The following AP4E1 variants were observed in gnomAD, a reference collection of about 807,000 sequenced individuals.
The protein encoded by AP4E1 is AP-4 complex subunit epsilon-1.
AP4E1 carries 56 observed loss-of-function variants against 128.2 expected under a neutral mutation model. The ratio of observed to expected loss-of-function variants is 0.44; its 90% confidence interval spans 0.35 to 0.55. The LOEUF (loss-of-function observed/expected upper bound fraction) is 0.55, where lower values mean the gene tolerates loss of function less well. Among genes scored for constraint, AP4E1 ranks in the 20% least tolerant of loss-of-function variants. The pLI, the probability that AP4E1 is intolerant of heterozygous loss-of-function variation, is 0.00. For synonymous variants in AP4E1, 484 were observed against 473.1 expected, an observed-to-expected ratio of 1.02 and a Z score of -0.30; for missense variants, 1,324 against 1,307.7, an observed-to-expected ratio of 1.01 and a Z score of -0.19.
chr15:50,994,134 G>C (rs1314556982), intron 17 of AP4E1, among the ~76,000 whole-genome samples: 1 of 151,962 alleles, frequency 6.6e-6, no homozygotes, highest in Non-Finnish European at 1.5e-5. Context: ...AGAGTATAAA[G>C]TTTTATTTAT....
chr15:50,931,843 G>GT (rs1469356230), intron 7 of AP4E1, among the ~76,000 whole-genome samples: 1 of 152,114 alleles, frequency 6.6e-6, no homozygotes, highest in African/African-American at 2.4e-5. Context: ...GCGGGCTATA[G>GT]TTTGCCAACC....
chr15:50,933,807 C>G (rs1211283396), intron 7 of AP4E1, among the ~76,000 whole-genome samples: 15 of 151,852 alleles, frequency 9.9e-5, no homozygotes, highest in Non-Finnish European at 2.2e-4. Flanking sequence ...TTATATAGTC[C>G]CAAATTATTT....
At chr15:50,987,783 G>A (rs920394316) in intron 16 of AP4E1, among the ~76,000 whole-genome samples, 5 of 152,132 alleles carry the variant, frequency 3.3e-5, no homozygotes, top group Non-Finnish European at 7.4e-5. Flanking sequence ...TTAATATAAT[G>A]GTTTAGAAAG....
At chr15:50,950,220 C>A (rs1261948821) in intron 13 of AP4E1, 51 bp downstream of exon 13, 23 of 1,250,342 alleles carry the variant, frequency 1.8e-5, no homozygotes, top group Non-Finnish European at 2.3e-5. Context: ...TTAATACAAA[C>A]CAAATGTTAA....
chr15:50,926,232 G>C (rs1390132600), intron 5 of AP4E1, among the ~76,000 whole-genome samples: 1 of 151,840 alleles, frequency 6.6e-6, no homozygotes, highest in Non-Finnish European at 1.5e-5. Context: ...CCACCTCCCA[G>C]GTTTAAGCAG....
chr15:50,927,697 G>A (rs535018199), intron 5 of AP4E1, among the ~76,000 whole-genome samples: 32 of 150,576 alleles, frequency 2.1e-4, no homozygotes, highest in African/African-American at 6.8e-4. Context: ...AGAGTTTTCC[G>A]TTATGGCATA....
chr15:50,989,828 A>G (rs1004028795), intron 16 of AP4E1, among the ~76,000 whole-genome samples: 1 of 152,182 alleles, frequency 6.6e-6, no homozygotes. Flanking sequence ...CTAAGGAATT[A>G]TATAATATAT....
At chr15:50,953,655 A>G (rs2064180735) in intron 13 of AP4E1, among the ~76,000 whole-genome samples, 1 of 152,212 alleles carries the variant, frequency 6.6e-6, no homozygotes, top group South Asian at 2.1e-4. Context: ...TTACTTAATC[A>G]TGGCCCCACA....
At chr15:50,952,788 A>T (rs2064169532) in intron 13 of AP4E1, among the ~76,000 whole-genome samples, 1 of 151,952 alleles carries the variant, frequency 6.6e-6, no homozygotes, top group African/African-American at 2.4e-5. Context: ...TACATTCTGG[A>T]TATCTAATTA....
At position 50,930,864 on chromosome 15, in the gene AP4E1, A is replaced by G. The variant is rs200194388; in HGVS notation, c.762A>G (p.Val254=). Residue 254 remains valine, a synonymous_variant, in exon 7 of 21, where the codon GTA becomes GTG. Coordinates refer to ENST00000261842, the MANE Select transcript of AP4E1 (RefSeq NM_007347.5). ...TGSFVTILKQ[V]VGGKLPVEFN... is the part of the protein sequence containing the mutation. ...GTTTTGTAACCATTTTGAAGCAAGT[A>G]GTTGGAGGAAAGCTCCCAGTAGAAT... The G allele has an allele frequency of 6.2e-7, 1 of 1,614,160 alleles. No homozygotes were observed. Among genetic ancestry groups the G allele is most frequent in the Non-Finnish European group, 8.5e-7 (1 of 1,180,028 alleles).
At chr15:50,949,612 A>G (rs888376765) in intron 11 of AP4E1, among the ~76,000 whole-genome samples, 1 of 152,132 alleles carries the variant, frequency 6.6e-6, no homozygotes, top group African/African-American at 2.4e-5. Flanking sequence ...ATGGTGCCAA[A>G]GTGACATAAA....
intron 15 of AP4E1, among the ~76,000 whole-genome samples, chr15:50,969,252 A>C (rs1175244362): frequency 1.3e-5 from 2 of 152,174 alleles, no homozygotes; most frequent in African/African-American, 4.8e-5. Context: ...AAGCGAGAAC[A>C]TGCGGTATTT....
chr15:50,978,644 ACT>A (rs1191778028), intron 15 of AP4E1, among the ~76,000 whole-genome samples: 1 of 151,920 alleles, frequency 6.6e-6, no homozygotes, highest in African/African-American at 2.4e-5. Flanking sequence ...AACTCGAAGG[ACT>A]CTCTGCCTCC....
intron 10 of AP4E1, chr15:50,945,320 A>G: frequency 1.3e-6 from 1 of 780,816 alleles, no homozygotes; most frequent in Middle Eastern, 2.4e-4. Flanking sequence ...TCTGACAGGA[A>G]TATAGTACTG....
chr15:50,919,713 G>C (rs1313448550), intron 3 of AP4E1, among the ~76,000 whole-genome samples: 3 of 151,876 alleles, frequency 2.0e-5, no homozygotes, highest in Non-Finnish European at 1.5e-5. Flanking sequence ...TTGCCAATTA[G>C]AGGGACGTGT....
At chr15:50,989,034 G>A (rs74692397) in intron 16 of AP4E1, among the ~76,000 whole-genome samples, 4,368 of 152,282 alleles carry the variant, frequency 0.029, 69 homozygotes, top group Non-Finnish European at 0.038. Context: ...CATAGTAAGT[G>A]ATTGATAAAT....
At chr15:50,926,504 TGAA>T (rs1434572303) in intron 5 of AP4E1, among the ~76,000 whole-genome samples, 6 of 152,190 alleles carry the variant, frequency 3.9e-5, no homozygotes, top group African/African-American at 4.8e-5. Flanking sequence ...ATATTCTTGA[TGAA>T]GATTTTTTTG....
intron 15 of AP4E1, among the ~76,000 whole-genome samples, chr15:50,981,878 G>C (rs1228880636): frequency 5.9e-5 from 9 of 152,060 alleles, no homozygotes; most frequent in Non-Finnish European, 1.2e-4. Context: ...CTGAGGTTGA[G>C]GGTTCGAGAC....
chr15:50,968,239 A>G (rs1422712442), intron 14 of AP4E1, 24 bp from the exon 15 acceptor site: 1 of 1,477,362 alleles, frequency 6.8e-7, no homozygotes, highest in Admixed American at 1.7e-5. Context: ...TTTAATTCCT[A>G]ATTTTTGCTT....
Sources: allele counts gnomAD v4.1 joint callset (sites outside exome capture counted in the v4.1 genomes callset), GRCh38; gene constraint gnomAD v4.1.1; transcripts MANE v1.5; gene names NCBI Gene and HGNC (gene_info 2026-07-23, HGNC 2026-07-21).